Variants in AR observed in about 807,000 individuals in gnomAD.
AR encodes the protein dihydrotestosterone receptor.
A neutral mutation model predicts 53.9 loss-of-function variants in AR; 8 were observed. The ratio of observed to expected loss-of-function variants is 0.15; its 90% CI spans 0.09 to 0.27. The LOEUF (loss-of-function observed/expected upper bound fraction) is 0.27. Ranked by LOEUF, AR falls within the 10% of genes least tolerant of loss-of-function variation. AR has a pLI of 1.00. For synonymous variants in AR, 359 were observed against 316.4 expected (o/e 1.13, Z -1.43); for missense variants, 639 against 742.5 (o/e 0.86, Z 1.62).
At chrX:67,636,017 G>A (rs1602213513) in intron 1 of AR, among the ~76,000 whole-genome samples, 2 of 111,365 alleles carry the variant, frequency 1.8e-5, no homozygotes, top group East Asian at 5.6e-4. Flanking sequence ...AAGAATACAT[G>A]TAATATATAA....
At chrX:67,581,290 C>T (rs868629689) in intron 1 of AR, among the ~76,000 whole-genome samples, 15 of 111,520 alleles carry the variant, frequency 1.3e-4, no homozygotes, top group Admixed American at 1.1e-3. Context: ...GAAGTTTTTA[C>T]GTACCTCTTA....
At chrX:67,621,984 T>C (rs768349549) in intron 1 of AR, among the ~76,000 whole-genome samples, 17 of 111,697 alleles carry the variant, frequency 1.5e-4, no homozygotes, top group Middle Eastern at 9.2e-3. Context: ...TTGTGTGATC[T>C]TGAAGAAATC....
chrX:67,716,923 G>A (rs940074658), intron 4 of AR, among the ~76,000 whole-genome samples: 1 of 111,763 alleles, frequency 8.9e-6, no homozygotes, highest in African/African-American at 3.3e-5. Flanking sequence ...TTTGTAACTT[G>A]GTCTGCCAAT....
intron 1 of AR, among the ~76,000 whole-genome samples, chrX:67,640,099 G>T (rs1383559576): frequency 8.9e-6 from 1 of 111,867 alleles, no homozygotes; most frequent in African/African-American, 3.3e-5. Flanking sequence ...CATTGGTTCT[G>T]TTGATGTGAT....
chrX:67,709,635 G>T (rs1044274477), intron 3 of AR, among the ~76,000 whole-genome samples: 2 of 111,993 alleles, frequency 1.8e-5, no homozygotes, highest in Non-Finnish European at 3.8e-5. Context: ...TTGGTGCACT[G>T]CACCCACTGT....
chrX:67,656,070 A>T (rs1207467484), intron 2 of AR, among the ~76,000 whole-genome samples: 4 of 112,104 alleles, frequency 3.6e-5, no homozygotes, highest in Non-Finnish European at 7.5e-5. Flanking sequence ...AGTGATGACA[A>T]GGTGGCAGCA....
chrX:67,546,086 G>A lies in AR; in HGVS notation c.940G>A (p.Gly314Arg), dbSNP rs1475216129. Residue 314 changes from glycine to arginine, a missense_variant, in exon 1 of 8, where the codon GGA becomes AGA. Transcript: ENST00000374690. ...EDTAEYSPFK[G>R]GYTKGLEGES... ...TACTGCTGAGTATTCCCCTTTCAAG[G>A]GAGGTTACACCAAAGGGCTAGAAGG... 1 of 1,212,346 alleles carries A rather than the reference G, an allele frequency of 8.2e-7. No homozygotes were observed. The highest frequency in any genetic ancestry group is 3.0e-5 in the East Asian group (1 of 33,846).
At chrX:67,685,703 G>T (rs1433933480) in intron 2 of AR, among the ~76,000 whole-genome samples, 4 of 111,244 alleles carry the variant, frequency 3.6e-5, no homozygotes, top group African/African-American at 1.3e-4. Context: ...GGGCATTTCT[G>T]ACTTTTGGTA....
rs1380896990 is a variant in AR, at chrX:67,643,426, G to A, written c.1768+19G>A. ...GCTGAAGGTAAAGGGTCTTGCACATGCACTTCTCTTTCCCTTTCTCCTTTA... is the reference window on the plus strand; with the variant it reads ...GCTGAAGGTAAAGGGTCTTGCACATACACTTCTCTTTCCCTTTCTCCTTTA... On this transcript the variant is annotated intron_variant, in intron 2 of 7. Coordinates refer to ENST00000374690, the MANE Select transcript of AR (RefSeq NM_000044.6). 1 of 1,199,835 alleles carries A rather than the reference G, an allele frequency of 8.3e-7. No homozygotes were observed. Among genetic ancestry groups the A allele is most frequent in the Non-Finnish European group, 1.1e-6 (1 of 888,965 alleles).
intron 2 of AR, among the ~76,000 whole-genome samples, chrX:67,665,950 G>A (rs939780498): frequency 9.0e-6 from 1 of 111,182 alleles, no homozygotes; most frequent in African/African-American, 3.3e-5. Flanking sequence ...CAAAGTAGGT[G>A]TATATATGTA....
rs113596974 is a variant in AR at position 67,641,912 on chromosome X, G to T, written c.1617-1344G>T. On this transcript the variant is annotated intron_variant, in intron 1 of 7. Coordinates refer to ENST00000374690, the MANE Select transcript of AR (RefSeq NM_000044.6). ...CTGTGCTGAACATTCAAACCAAAAG[G>T]CCATTGGTGGAAAGTAAAGGTGAGT... Among the ~76,000 whole-genome samples the T allele has an allele frequency of 2.8e-3, 297 of 107,318 alleles. 1 individual carries two copies. The highest frequency in any genetic ancestry group is 9.5e-3 in the African/African-American group (281 of 29,605). The allele number at this position is 107,318 out of a possible 115,157, so 93.2% of individuals were successfully genotyped here.
intron 3 of AR, among the ~76,000 whole-genome samples, chrX:67,687,846 A>C (rs1160844346): frequency 1.8e-5 from 2 of 112,151 alleles, no homozygotes; most frequent in African/African-American, 6.5e-5. Context: ...AGTCCTCATA[A>C]CATTTGGATG....
Position 67,715,930 on chromosome X carries a change from T to G in AR, c.2174-1548T>G, listed in dbSNP as rs756825976. On this transcript the variant is annotated intron_variant, in intron 4 of 7. Transcript: ENST00000374690. ...AGCTCTGAGGTGATGCCTTTATAAC[T>G]TTAAGCATCCAACTGTTTCAAAAAC... 8.9e-5 allele frequency among the ~76,000 whole-genome samples: 10 copies of G among 111,997 alleles called. No homozygotes were observed. In the Admixed American group the frequency reaches 9.4e-4, roughly 11 times the overall value.
chrX:67,662,335 A>C (rs1268696111), intron 2 of AR, among the ~76,000 whole-genome samples: 1 of 110,803 alleles, frequency 9.0e-6, no homozygotes, highest in African/African-American at 3.3e-5. Context: ...ATTTAGTGCT[A>C]TAAATTTCCC....
chrX:67,615,515 G>A (rs1196056665), intron 1 of AR, among the ~76,000 whole-genome samples: 1 of 110,693 alleles, frequency 9.0e-6, no homozygotes, highest in African/African-American at 3.3e-5. Context: ...GACATTCCTA[G>A]GTAAACAAAG....
At chrX:67,559,436 G>A (rs1310537456) in intron 1 of AR, among the ~76,000 whole-genome samples, 2 of 111,769 alleles carry the variant, frequency 1.8e-5, no homozygotes, top group Non-Finnish European at 3.8e-5. Context: ...GGGATTTGTG[G>A]GATTTACACT....
chrX:67,673,369 GTC>G (rs3070073), intron 2 of AR, among the ~76,000 whole-genome samples: 59 of 97,574 alleles, frequency 6.0e-4, no homozygotes, highest in East Asian at 1.3e-3. Context: ...TTCTCTCTCT[GTC>G]TCTCTCTCTC....
In AR at chrX:67,594,006, T is replaced by C. The variant is rs183005448; in HGVS notation, c.1616+47244T>C. ...GGAATAATTTGGTTATTTTAGTGCC[T>C]TTTTTTGAGACAAAGTCTTATTCTG... is the stretch of plus-strand genomic sequence containing the variant. On this transcript the variant is annotated intron_variant, in intron 1 of 7. Coordinates refer to ENST00000374690, the MANE Select transcript of AR (RefSeq NM_000044.6). Among the ~76,000 whole-genome samples, 155 of 111,959 alleles carry C rather than the reference T, an allele frequency of 1.4e-3. 1 individual carries two copies. The highest frequency in any genetic ancestry group is 5.0e-3 in the African/African-American group (154 of 30,884).
chrX:67,558,986 G>A (rs1921180921), intron 1 of AR, among the ~76,000 whole-genome samples: 1 of 111,976 alleles, frequency 8.9e-6, no homozygotes, highest in African/African-American at 3.2e-5. Context: ...AGGTAGTTCA[G>A]CTCCACAACT....
Sources: gnomAD v4.1 joint callset for allele counts (sites outside exome capture counted in the v4.1 genomes callset) on GRCh38, gnomAD v4.1.1 for gene constraint, MANE v1.5 for transcripts, NCBI Gene and HGNC (gene_info 2026-07-23, HGNC 2026-07-21) for gene names.